The following LRRCC1 variants were observed in gnomAD, a reference collection of about 807,000 sequenced individuals.
LRRCC1 encodes the protein leucine-rich repeat and coiled-coil domain-containing protein 1.
In LRRCC1, 115 loss-of-function variants were observed where a neutral mutation model predicts 126.0. The observed-to-expected ratio is 0.91, with a 90% confidence interval of 0.78 to 1.07. The LOEUF (loss-of-function observed/expected upper bound fraction) is 1.07. Among genes scored for constraint, LRRCC1 ranks in the 50% least tolerant of loss-of-function variants. The pLI is 0.00. For synonymous variants in LRRCC1, 400 were observed against 393.4 expected, an observed-to-expected ratio of 1.02 and a Z score of -0.20; for missense variants, 1,172 against 1,175.7, an observed-to-expected ratio of 1.00 and a Z score of 0.05.
intron 11 of LRRCC1, among the ~76,000 whole-genome samples, chr8:85,131,101 C>T (rs184731544): frequency 2.0e-4 from 30 of 152,148 alleles, no homozygotes; most frequent in Admixed American, 1.8e-3. Context: ...AATTTTGGTG[C>T]TCTGGGGAAA....
Position 85,131,334 on chromosome 8 carries a change from A to G in LRRCC1, c.1767-426A>G, listed in dbSNP as rs557383066. Among the ~76,000 whole-genome samples, 9 of 152,350 alleles carry G rather than the reference A, an allele frequency of 5.9e-5. No individual in the cohort carries two copies. The East Asian group carries it at 1.5e-3, about 26-fold the overall frequency. ...GTGGAGAACCGTAAAGAATGAACTAACTGGCCCAATATCAAAAGATTAGTA... is the reference window on the plus strand; with the variant it reads ...GTGGAGAACCGTAAAGAATGAACTAGCTGGCCCAATATCAAAAGATTAGTA... On this transcript the variant is annotated intron_variant, in intron 11 of 18. Transcript: ENST00000360375.
chr8:85,124,397 T>A (rs975108558), intron 7 of LRRCC1, among the ~76,000 whole-genome samples: 6 of 152,204 alleles, frequency 3.9e-5, no homozygotes, highest in Non-Finnish European at 5.9e-5. Context: ...TCCTACCAAG[T>A]GATAGAATCT....
chr8:85,114,455 G>A (rs187733765), intron 4 of LRRCC1, among the ~76,000 whole-genome samples: 1 of 152,008 alleles, frequency 6.6e-6, no homozygotes, highest in East Asian at 1.9e-4. Flanking sequence ...CACTTTGTTG[G>A]TCTTTATTAG....
At chr8:85,142,602 G>C (rs977961252) in intron 18 of LRRCC1, among the ~76,000 whole-genome samples, 1 of 152,012 alleles carries the variant, frequency 6.6e-6, no homozygotes, top group Non-Finnish European at 1.5e-5. Context: ...GGCCGAGGCT[G>C]GTGGATCAGT....
chr8:85,115,316 T>G, intron 5 of LRRCC1, 41 bp downstream of exon 5: 1 of 1,565,520 alleles, frequency 6.4e-7, no homozygotes, highest in Non-Finnish European at 8.7e-7. Flanking sequence ...AAAAAATACC[T>G]TCAAATTTCA....
Position 85,129,299 on chromosome 8 carries a change from G to T in LRRCC1, c.1546G>T (p.Asp516Tyr). The T allele has an allele frequency of 6.2e-7, 1 of 1,613,648 alleles. No homozygotes were observed. The part of the protein sequence containing the change: ...ELMKAKDQQE[D>Y]HLKHLRTLEK... ...AATGAAAGCAAAAGATCAACAAGAG[G>T]ATCACCTTAAACACTTAAGAACCCT... Residue 516 changes from aspartate to tyrosine, a missense_variant, in exon 10 of 19, where the codon GAT (aspartate) becomes TAT (tyrosine). By Grantham distance (160) the Asp-to-Tyr change is radical. Transcript: ENST00000360375.
Position 85,138,149 on chromosome 8 carries a change from G to C in LRRCC1, c.2608G>C (p.Glu870Gln). The C allele has an allele frequency of 1.2e-6, 2 of 1,611,396 alleles. No homozygotes were observed. Among genetic ancestry groups the C allele is most frequent in the Non-Finnish European group, 1.7e-6 (2 of 1,178,580 alleles). The change falls in exon 16 of 19, where the codon GAG becomes CAG. Residue 870 changes from glutamate (E) to glutamine (Q), a missense_variant. Physicochemically the swap from Glu to Gln is conservative, Grantham distance 29. Transcript: ENST00000360375. ...ATCTTCACAACTGGATGAGGTACTT[G>C]AGAAGTTGGAAAGGCACAATGAAAG... ...EKSSQLDEVL[E>Q]KLERHNERKE...
intron 7 of LRRCC1, among the ~76,000 whole-genome samples, chr8:85,123,923 T>C (rs1809763260): frequency 1.3e-5 from 2 of 152,196 alleles, no homozygotes; most frequent in African/African-American, 2.4e-5. Context: ...TATGTGGTTT[T>C]AGTTTAATTT....
At chr8:85,132,326 A>G (rs1486852151) in intron 12 of LRRCC1, among the ~76,000 whole-genome samples, 3 of 149,480 alleles carry the variant, frequency 2.0e-5, no homozygotes, top group Non-Finnish European at 4.4e-5. Flanking sequence ...CATTTTTTAC[A>G]TATTATCTAT....
chr8:85,118,865 A>G (rs1216215664), intron 6 of LRRCC1, among the ~76,000 whole-genome samples: 1 of 152,046 alleles, frequency 6.6e-6, no homozygotes, highest in African/African-American at 2.4e-5. Flanking sequence ...TTTAATTTTG[A>G]TAAAGTCCAA....
chr8:85,117,436 T>A (rs1353575662), intron 6 of LRRCC1, among the ~76,000 whole-genome samples: 1 of 152,208 alleles, frequency 6.6e-6, no homozygotes, highest in Non-Finnish European at 1.5e-5. Context: ...ACTGTCTTAC[T>A]TGGGGTAAAG....
At chr8:85,110,820 G>A (rs1453461602) in intron 3 of LRRCC1, among the ~76,000 whole-genome samples, 3 of 152,154 alleles carry the variant, frequency 2.0e-5, no homozygotes, top group Non-Finnish European at 4.4e-5. Context: ...TAGCTGATAA[G>A]TTGAACAAAG....
chr8:85,130,519 C>CATGT (rs1398454145), intron 11 of LRRCC1, among the ~76,000 whole-genome samples: 1 of 152,004 alleles, frequency 6.6e-6, no homozygotes. Flanking sequence ...ATGCCGTGTT[C>CATGT]ATGTATGTAT....
intron 11 of LRRCC1, among the ~76,000 whole-genome samples, chr8:85,130,396 C>T (rs543804309): frequency 2.2e-4 from 34 of 151,964 alleles, no homozygotes; most frequent in African/African-American, 8.2e-4. Context: ...CCCCACTCGG[C>T]CTCCCAAAGT....
chr8:85,125,421 C>T (rs1231370002), intron 8 of LRRCC1, among the ~76,000 whole-genome samples: 1 of 152,008 alleles, frequency 6.6e-6, no homozygotes, highest in Middle Eastern at 3.4e-3. Flanking sequence ...CGCCTGTAAT[C>T]CCAGCACTTT....
intron 11 of LRRCC1, among the ~76,000 whole-genome samples, chr8:85,130,812 A>G (rs1456761844): frequency 6.6e-6 from 1 of 152,218 alleles, no homozygotes; most frequent in Non-Finnish European, 1.5e-5. Context: ...GGCCATACCT[A>G]ACTTTGCCTT....
In LRRCC1 at chr8:85,124,895, A is replaced by T. The variant is rs1298366221; in HGVS notation, c.1228A>T (p.Ile410Leu). ...LQESEKPKTEIIKVDQSHSED... is the reference protein window; with the variant it reads ...LQESEKPKTELIKVDQSHSED... ...AGAATCAGAAAAGCCAAAGACTGAAATAATTAAAGTAGACCAAAGTCACTC... is the reference window on the plus strand; with the variant it reads ...AGAATCAGAAAAGCCAAAGACTGAATTAATTAAAGTAGACCAAAGTCACTC... Residue 410 changes from isoleucine to leucine, a missense_variant, in exon 8 of 19, where the codon ATA becomes TTA. Coordinates refer to ENST00000360375, the MANE Select transcript of LRRCC1 (RefSeq NM_033402.5). 4 of 1,609,048 alleles carry T rather than the reference A, an allele frequency of 2.5e-6. No individual in the cohort carries two copies. Among genetic ancestry groups the T allele is most frequent in the Non-Finnish European group, 3.4e-6 (4 of 1,177,528 alleles).
intron 3 of LRRCC1, among the ~76,000 whole-genome samples, chr8:85,111,461 A>G (rs899338119): frequency 6.6e-6 from 1 of 152,198 alleles, no homozygotes; most frequent in African/African-American, 2.4e-5. Flanking sequence ...TTTAGATGCA[A>G]TTTCCTTATC....
intron 14 of LRRCC1, among the ~76,000 whole-genome samples, 178 bp from the exon 15 acceptor site, chr8:85,137,286 C>T (rs1040278021): frequency 5.9e-5 from 9 of 152,142 alleles, no homozygotes; most frequent in African/African-American, 2.2e-4. Context: ...GAAATAACCA[C>T]AAGTGTTTAA....
Sources: gnomAD v4.1 joint callset for allele counts (sites outside exome capture counted in the v4.1 genomes callset) on GRCh38, gnomAD v4.1.1 for gene constraint, MANE v1.5 for transcripts, NCBI Gene and HGNC (gene_info 2026-07-23, HGNC 2026-07-21) for gene names.